ECPAS: variants seen among roughly 807,000 people sequenced by gnomAD.
The protein encoded by ECPAS is Ecm29 proteasome adaptor and scaffold.
A neutral mutation model predicts 255.1 loss-of-function variants in ECPAS; 70 were observed. The ratio of observed to expected loss-of-function variants is 0.27; its 90% CI spans 0.23 to 0.33. The LOEUF (loss-of-function observed/expected upper bound fraction) is 0.33, where lower values mean the gene tolerates loss of function less well. ECPAS is among the 10% of genes least tolerant of loss of function. ECPAS has a pLI of 1.00. For missense variants in ECPAS, 1,817 were observed against 2,206.4 expected, an observed-to-expected ratio of 0.82 and a Z score of 3.54; for synonymous variants, 784 against 775.0, an observed-to-expected ratio of 1.01 and a Z score of -0.19.
intron 2 of ECPAS, among the ~76,000 whole-genome samples, chr9:111,467,246 AAGAGAAGAGAAG>A (rs908983435): frequency 6.6e-5 from 10 of 152,254 alleles, no homozygotes; most frequent in Admixed American, 2.6e-4. Flanking sequence ...GAGATGAGAA[AAGAGAAGAGAAG>A]AGAGAAGAGA....
chr9:111,439,519 C>A (rs570482003), intron 6 of ECPAS, among the ~76,000 whole-genome samples: 22 of 152,020 alleles, frequency 1.4e-4, no homozygotes, highest in Admixed American at 3.3e-4. Context: ...TCTGTTCGGC[C>A]CCCCCTTCCC....
intron 2 of ECPAS, among the ~76,000 whole-genome samples, chr9:111,464,731 T>C (rs2098277275): frequency 6.6e-6 from 1 of 151,488 alleles, no homozygotes; most frequent in Non-Finnish European, 1.5e-5. Flanking sequence ...ACAAAACATA[T>C]TGGGTACGAT....
At chr9:111,472,443 G>C (rs192446868) in intron 2 of ECPAS, among the ~76,000 whole-genome samples, 1 of 152,126 alleles carries the variant, frequency 6.6e-6, no homozygotes, top group East Asian at 1.9e-4. Context: ...AGGAGTTCGA[G>C]ACCAGCCTTC....
chr9:111,401,349 C>A (rs1243818160), intron 24 of ECPAS, among the ~76,000 whole-genome samples: 1 of 152,070 alleles, frequency 6.6e-6, no homozygotes, highest in Non-Finnish European at 1.5e-5. Flanking sequence ...CGACCTTGAG[C>A]CGCAAAACCA....
At chr9:111,409,725 A>G (rs1408372667) in intron 23 of ECPAS, among the ~76,000 whole-genome samples, 1 of 152,146 alleles carries the variant, frequency 6.6e-6, no homozygotes. Context: ...AAATCACAAA[A>G]TTACTTAACA....
chr9:111,376,061 T>C (rs949141940), intron 37 of ECPAS, among the ~76,000 whole-genome samples: 7 of 152,172 alleles, frequency 4.6e-5, no homozygotes, highest in African/African-American at 1.4e-4. Flanking sequence ...AAACAACATA[T>C]CGACATTGCC....
chr9:111,381,330 G>C (rs12346576), intron 35 of ECPAS, among the ~76,000 whole-genome samples: 4,310 of 152,248 alleles, frequency 0.028, 213 homozygotes, highest in African/African-American at 0.097. Flanking sequence ...GAGCAATCAG[G>C]ACACACACAA....
At chr9:111,439,016 G>A (rs978640786) in intron 6 of ECPAS, among the ~76,000 whole-genome samples, 12 of 152,174 alleles carry the variant, frequency 7.9e-5, no homozygotes, top group African/African-American at 2.7e-4. Flanking sequence ...TAGACCAGAA[G>A]TAGATCACAA....
chr9:111,400,198 A>T (rs896315511), intron 24 of ECPAS, among the ~76,000 whole-genome samples: 2 of 152,234 alleles, frequency 1.3e-5, no homozygotes, highest in African/African-American at 4.8e-5. Context: ...ACCTGGGCTT[A>T]GGGTGCCCTC....
intron 3 of ECPAS, among the ~76,000 whole-genome samples, chr9:111,448,578 G>T (rs1468205463): frequency 6.6e-6 from 1 of 152,162 alleles, no homozygotes; most frequent in Non-Finnish European, 1.5e-5. Context: ...ACTTATAATA[G>T]GACTGGAAGA....
Position 111,484,133 on chromosome 9 carries a change from T to C in ECPAS, c.-100A>G. ...CCTCTGACCTGAGTCGGAGCCGGTC[T>C]CCATGCCGCGGACGCTGCGCTCGGC... On this transcript the variant is annotated 5_prime_UTR_variant, in exon 1 of 50. Transcript: ENST00000684092. 6.9e-7 allele frequency: 1 copy of C among 1,459,344 alleles called. No individual in the cohort carries two copies. The highest frequency in any genetic ancestry group is 9.0e-7 in the Non-Finnish European group (1 of 1,108,440). The allele number at this position is 1,459,344 out of a possible 1,614,324, so 90.4% of individuals were successfully genotyped here. A position where few individuals can be genotyped will look rare whatever the true frequency, so the allele number is the denominator to read the frequency against.
chr9:111,411,022 G>T lies in ECPAS; in HGVS notation c.2335C>A (p.Pro779Thr). 1 of 1,613,658 alleles carries T rather than the reference G, an allele frequency of 6.2e-7. No homozygotes were observed. Among genetic ancestry groups the T allele is most frequent in the South Asian group, 1.1e-5 (1 of 91,042 alleles). ...CTCTGAATGAGTTCCTCTTGATCAG[G>T]GAGGGTGTCAGCATTTCTCTCCAGG... ...QDLERNADTLPDQEELIQSAT... is the reference protein window; with the variant it reads ...QDLERNADTLTDQEELIQSAT... The change falls in exon 22 of 50, where the codon CCT (proline) becomes ACT (threonine). Residue 779 changes from proline to threonine, a missense_variant. By Grantham distance (38) the Pro-to-Thr change is conservative. This residue lies in a region of ECPAS where 194 missense variants were observed against 152.8 expected (regional missense o/e 1.27). Transcript: ENST00000684092.
intron 49 of ECPAS, 36 bp from the exon 50 acceptor site, chr9:111,362,205 A>G (rs1418317438): frequency 6.6e-7 from 1 of 1,520,924 alleles, no homozygotes; most frequent in Non-Finnish European, 8.8e-7. Flanking sequence ...CAAAAAAAAC[A>G]AAAAACAAAG....
intron 49 of ECPAS, among the ~76,000 whole-genome samples, chr9:111,362,931 A>G: frequency 6.6e-6 from 1 of 152,194 alleles, no homozygotes; most frequent in Non-Finnish European, 1.5e-5. Flanking sequence ...AGGTGTTTTA[A>G]TTGCTAAGCA....
At chr9:111,461,492 T>C (rs781471738) in intron 2 of ECPAS, among the ~76,000 whole-genome samples, 1 of 151,774 alleles carries the variant, frequency 6.6e-6, no homozygotes, top group Non-Finnish European at 1.5e-5. Context: ...AAATAAAAAC[T>C]ACAGTAATTA....
chr9:111,385,291 A>G (rs13294228), intron 33 of ECPAS, 46 bp downstream of exon 33: 1 of 934,516 alleles, frequency 1.1e-6, no homozygotes, highest in African/African-American at 1.7e-5. Flanking sequence ...TAATAATTCC[A>G]ATTTAACTTT....
Position 111,388,742 on chromosome 9 carries a change from T to C in ECPAS, c.3447+814A>G, listed in dbSNP as rs182436841. Among the ~76,000 whole-genome samples the C allele has an allele frequency of 4.6e-5, 7 of 152,242 alleles. No individual in the cohort carries two copies. In the East Asian group the frequency reaches 1.2e-3, roughly 25 times the overall value. ...GAAGAGAGTAGATTCAAGGAATACT[T>C]TGGAAGCAGAATCAACAGAATTTGC... On this transcript the variant is annotated intron_variant, in intron 31 of 49. Transcript: ENST00000684092.
intron 25 of ECPAS, among the ~76,000 whole-genome samples, chr9:111,396,011 G>A (rs1288296072): frequency 1.3e-5 from 2 of 152,142 alleles, no homozygotes; most frequent in African/African-American, 4.8e-5. Context: ...TGAAATAATA[G>A]GTGAACGCAT....
chr9:111,471,471 A>C (rs946456130), intron 2 of ECPAS, among the ~76,000 whole-genome samples: 1 of 152,212 alleles, frequency 6.6e-6, no homozygotes, highest in Non-Finnish European at 1.5e-5. Context: ...TATATATACC[A>C]AAACATAGTA....
Sources: gnomAD v4.1 joint callset for allele counts (sites outside exome capture counted in the v4.1 genomes callset) on GRCh38, gnomAD v4.1.1 for gene constraint, gnomAD v4.1.1 regional missense constraint, MANE v1.5 for transcripts, NCBI Gene and HGNC (gene_info 2026-07-23, HGNC 2026-07-21) for gene names.